The following EXOC4 variants were observed in gnomAD, a reference collection of about 807,000 sequenced individuals.
EXOC4 encodes the protein exocyst complex component 4.
Under a neutral mutation model 107.2 loss-of-function variants are expected in EXOC4, and 71 were observed. The ratio of observed to expected loss-of-function variants is 0.66; its 90% CI spans 0.55 to 0.81. The LOEUF (loss-of-function observed/expected upper bound fraction) is 0.81, where lower values mean the gene tolerates loss of function less well. Ranked by LOEUF, EXOC4 falls within the 30% of genes least tolerant of loss-of-function variation. The pLI is 0.00. For synonymous variants in EXOC4, 456 were observed against 441.2 expected (o/e 1.03, Z -0.42); for missense variants, 1,108 against 1,189.6 (o/e 0.93, Z 1.01).
chr7:133,333,618 CAT>C (rs143336665), intron 5 of EXOC4, among the ~76,000 whole-genome samples: 1,638 of 152,178 alleles, frequency 0.011, 24 homozygotes, highest in African/African-American at 0.038. Context: ...TAGACAGAAA[CAT>C]ATACATCTAT....
intron 10 of EXOC4, among the ~76,000 whole-genome samples, chr7:133,638,369 G>C (rs1563135781): frequency 6.6e-6 from 1 of 152,144 alleles, no homozygotes. Flanking sequence ...CTGATTGTAA[G>C]CCTTCCTAAT....
chr7:134,079,549 C>T, the EXOC4 span, among the ~76,000 whole-genome samples: 1 of 152,288 alleles, frequency 6.6e-6, no homozygotes, highest in Non-Finnish European at 1.5e-5. Context: ...GTTTAGATGG[C>T]AGCCCTTGAA....
intron 17 of EXOC4, among the ~76,000 whole-genome samples, chr7:134,024,473 T>A (rs1220130135): frequency 6.6e-6 from 1 of 151,658 alleles, no homozygotes; most frequent in Non-Finnish European, 1.5e-5. Context: ...GAAGCTAGTA[T>A]GTTTTTAATT....
At chr7:133,695,388 G>A (rs1794512534) in intron 10 of EXOC4, among the ~76,000 whole-genome samples, 1 of 152,012 alleles carries the variant, frequency 6.6e-6, no homozygotes, top group Non-Finnish European at 1.5e-5. Context: ...AGACTCTTAG[G>A]TTGATTCCAT....
intron 9 of EXOC4, among the ~76,000 whole-genome samples, chr7:133,591,519 G>T (rs564208848): frequency 7.2e-4 from 109 of 151,270 alleles, no homozygotes; most frequent in African/African-American, 2.3e-3. Context: ...TTTTTCATAT[G>T]CATTTTCTGT....
At chr7:133,374,798 T>C in intron 6 of EXOC4, 30 bp from the exon 7 acceptor site, 1 of 1,596,378 alleles carries the variant, frequency 6.3e-7, no homozygotes, top group Non-Finnish European at 8.6e-7. Context: ...TACGTATGTG[T>C]AAATGTTATT....
At chr7:133,632,108 C>T (rs990406366) in intron 10 of EXOC4, among the ~76,000 whole-genome samples, 6 of 152,020 alleles carry the variant, frequency 3.9e-5, no homozygotes, top group Admixed American at 6.6e-5. Context: ...ACTTATTTTA[C>T]ACTTAATAAA....
Position 133,375,475 on chromosome 7 carries a change from C to CA in EXOC4, c.1182+481dup, listed in dbSNP as rs539355529. On this transcript the variant is annotated intron_variant, in intron 7 of 17. Transcript: ENST00000253861. ...GTAACAGAGTGAGACTCCGTCTAAA[C>CA]AAAAAAAACCTTTTAACAGACTTCT... Among the ~76,000 whole-genome samples, 277 of 149,698 alleles carry CA rather than the reference C, an allele frequency of 1.9e-3. 1 individual carries two copies. The highest frequency in any genetic ancestry group is 0.014 in the Middle Eastern group (4 of 294).
intron 2 of EXOC4, among the ~76,000 whole-genome samples, chr7:133,284,921 C>T (rs1046618971): frequency 5.3e-5 from 8 of 152,170 alleles, no homozygotes; most frequent in African/African-American, 1.9e-4. Context: ...GGTCCCAGTT[C>T]CAACATCTCA....
the EXOC4 span, among the ~76,000 whole-genome samples, chr7:134,091,644 A>G: frequency 1.3e-5 from 2 of 152,214 alleles, no homozygotes; most frequent in Non-Finnish European, 2.9e-5. Flanking sequence ...GTATTTTCAC[A>G]AAGACCCATA....
chr7:133,362,733 G>A (rs1268131744), intron 6 of EXOC4, among the ~76,000 whole-genome samples: 1 of 150,430 alleles, frequency 6.6e-6, no homozygotes, highest in African/African-American at 2.5e-5. Context: ...TTTATGGAAG[G>A]AGAAATAAAT....
At chr7:133,645,457 T>A (rs1802967723) in intron 10 of EXOC4, among the ~76,000 whole-genome samples, 1 of 152,028 alleles carries the variant, frequency 6.6e-6, no homozygotes, top group Non-Finnish European at 1.5e-5. Context: ...TGTGCCCTTG[T>A]GGGACCTAGC....
intron 17 of EXOC4, among the ~76,000 whole-genome samples, chr7:134,048,729 C>T (rs188332349): frequency 6.6e-6 from 1 of 152,280 alleles, no homozygotes. Context: ...AGGAGACATA[C>T]TAGAGGTGAG....
chr7:134,048,750 G>A (rs1225970032), intron 17 of EXOC4, among the ~76,000 whole-genome samples: 1 of 152,178 alleles, frequency 6.6e-6, no homozygotes, highest in Non-Finnish European at 1.5e-5. Context: ...AGCCTGATGT[G>A]TTGTTCTTTA....
At chr7:133,631,641 T>C (rs1802593505) in intron 10 of EXOC4, among the ~76,000 whole-genome samples, 1 of 152,100 alleles carries the variant, frequency 6.6e-6, no homozygotes, top group South Asian at 2.1e-4. Flanking sequence ...TTAAGAAAAT[T>C]AAGACTATTA....
intron 17 of EXOC4, among the ~76,000 whole-genome samples, chr7:134,033,693 G>C (rs988931122): frequency 3.3e-5 from 5 of 152,106 alleles, no homozygotes; most frequent in African/African-American, 7.2e-5. Flanking sequence ...GAGCCTGTTG[G>C]GTGCCCAGTT....
intron 17 of EXOC4, among the ~76,000 whole-genome samples, chr7:134,041,004 C>A (rs1795503051): frequency 6.6e-6 from 1 of 152,140 alleles, no homozygotes; most frequent in Non-Finnish European, 1.5e-5. Context: ...TAAAGCCGAA[C>A]CATGCATTTT....
chr7:133,816,944 C>A (rs1192190488), intron 10 of EXOC4, among the ~76,000 whole-genome samples: 1 of 152,106 alleles, frequency 6.6e-6, no homozygotes. Context: ...GGTAGGGGGA[C>A]CCCTGATGTA....
At chr7:133,616,274 T>G (rs1802192613) in intron 9 of EXOC4, among the ~76,000 whole-genome samples, 2 of 152,128 alleles carry the variant, frequency 1.3e-5, no homozygotes, top group Admixed American at 1.3e-4. Flanking sequence ...TGTGTGCTCT[T>G]TTTTATACCC....
Sources: gnomAD v4.1 joint callset for allele counts (sites outside exome capture counted in the v4.1 genomes callset) on GRCh38, gnomAD v4.1.1 for gene constraint, MANE v1.5 for transcripts, NCBI Gene and HGNC (gene_info 2026-07-23, HGNC 2026-07-21) for gene names.